ERCC6L2: variants seen among roughly 807,000 people sequenced by gnomAD.
The protein encoded by ERCC6L2 is ERCC excision repair 6 like 2.
ERCC6L2 carries 77 observed loss-of-function variants against 132.0 expected under a neutral mutation model. The ratio of observed to expected loss-of-function variants is 0.58; its 90% CI spans 0.49 to 0.71. The LOEUF is 0.71. Among genes scored for constraint, ERCC6L2 ranks in the 30% least tolerant of loss-of-function variants. The pLI, the probability that ERCC6L2 is intolerant of heterozygous loss-of-function variation, is 0.00. For missense variants in ERCC6L2, 1,542 were observed against 1,837.6 expected (o/e 0.84, Z 2.94); for synonymous variants, 583 against 632.4 (o/e 0.92, Z 1.17).
At chr9:96,005,497 CTG>C (rs1833836742) in intron 18 of ERCC6L2, among the ~76,000 whole-genome samples, 1 of 151,984 alleles carries the variant, frequency 6.6e-6, no homozygotes. Flanking sequence ...TCAGGGAAGA[CTG>C]TCTACATGGG....
At chr9:95,962,409 G>A (rs1831949230) in intron 13 of ERCC6L2, among the ~76,000 whole-genome samples, 1 of 152,022 alleles carries the variant, frequency 6.6e-6, no homozygotes, top group Non-Finnish European at 1.5e-5. Flanking sequence ...AGGATGACAA[G>A]GGCTTTTACT....
At position 95,978,075 on chromosome 9, in the gene ERCC6L2, G is replaced by A. The variant is rs764962652; in HGVS notation, c.3352G>A (p.Val1118Met). The A allele has an allele frequency of 6.6e-6, 9 of 1,365,628 alleles. No individual in the cohort carries two copies. The highest frequency in any genetic ancestry group is 7.8e-6 in the Non-Finnish European group (8 of 1,021,040). The allele number at this position is 1,365,628 out of a possible 1,614,324, so 84.6% of individuals were successfully genotyped here. A position where few individuals can be genotyped will look rare whatever the true frequency, so the allele number is the denominator to read the frequency against. ...MDKFLDGVQE[V>M]AYIHSNQNVI... is the part of the protein sequence containing the mutation. ...TTACCTCCTAGATGGCGTTCAGGAAGTGGCTTATATTCACTCAAACCAGAA... is the reference window on the plus strand; with the variant it reads ...TTACCTCCTAGATGGCGTTCAGGAAATGGCTTATATTCACTCAAACCAGAA... The change falls in exon 17 of 19, where the codon GTG becomes ATG. Residue 1118 changes from valine to methionine, a missense_variant. Physicochemically the swap from Val to Met is conservative, Grantham distance 21. Around this residue, in one of 4 missense-constraint regions of ERCC6L2, gnomAD observed 442 missense variants for 583.4 expected, o/e 0.76. Transcript: ENST00000653738.
downstream of ERCC6L2, among the ~76,000 whole-genome samples, chr9:96,022,551 C>G (rs923282029): frequency 3.9e-5 from 6 of 152,164 alleles, no homozygotes; most frequent in Non-Finnish European, 8.8e-5. Context: ...AGCCCCACGC[C>G]GAGTTTATTC....
chr9:96,020,505 G>A (rs1219622271), downstream of ERCC6L2: 3 of 326,716 alleles, frequency 9.2e-6, no homozygotes, highest in Non-Finnish European at 1.8e-5. Flanking sequence ...AGGTAGGGGC[G>A]CCGCTCACCT....
chr9:95,891,633 A>G (rs1330000742), intron 2 of ERCC6L2, among the ~76,000 whole-genome samples: 2 of 151,704 alleles, frequency 1.3e-5, no homozygotes, highest in Admixed American at 1.3e-4. Context: ...TATTTTCCAC[A>G]ATGGCTAAAA....
At chr9:95,925,670 C>G (rs996633330) in intron 9 of ERCC6L2, among the ~76,000 whole-genome samples, 1 of 152,098 alleles carries the variant, frequency 6.6e-6, no homozygotes, top group Non-Finnish European at 1.5e-5. Flanking sequence ...TTTCCTGTGA[C>G]TTGTTTTTGT....
chr9:96,034,186 G>A (rs1564313862), intron 19 of ERCC6L2, among the ~76,000 whole-genome samples: 1 of 152,244 alleles, frequency 6.6e-6, no homozygotes, highest in Non-Finnish European at 1.5e-5. Context: ...GGTAGGGATA[G>A]GAGGGGGGTC....
At chr9:95,976,675 T>C (rs1281168216) in intron 16 of ERCC6L2, among the ~76,000 whole-genome samples, 1 of 152,106 alleles carries the variant, frequency 6.6e-6, no homozygotes, top group Non-Finnish European at 1.5e-5. Context: ...TCCATGGGCT[T>C]TTGGTTTTGC....
At chr9:95,934,213 T>G (rs1321126663) in intron 11 of ERCC6L2, among the ~76,000 whole-genome samples, 1 of 152,122 alleles carries the variant, frequency 6.6e-6, no homozygotes, top group African/African-American at 2.4e-5. Context: ...AATGTAAAAA[T>G]TTATCATCGT....
chr9:96,032,656 G>A (rs561568846), intron 19 of ERCC6L2, among the ~76,000 whole-genome samples: 8 of 152,284 alleles, frequency 5.3e-5, no homozygotes, highest in South Asian at 2.1e-4. Flanking sequence ...TCACACCTGC[G>A]GCAACTGAGA....
intron 13 of ERCC6L2, among the ~76,000 whole-genome samples, chr9:95,961,008 AT>A (rs1408019948): frequency 6.6e-6 from 1 of 152,208 alleles, no homozygotes; most frequent in African/African-American, 2.4e-5. Context: ...TAGAATCCTG[AT>A]ACCAAACTTG....
At chr9:95,896,725 A>G (rs1828486727) in intron 2 of ERCC6L2, among the ~76,000 whole-genome samples, 1 of 152,144 alleles carries the variant, frequency 6.6e-6, no homozygotes, top group African/African-American at 2.4e-5. Flanking sequence ...TGGCCAGACC[A>G]GTTGTTGCTT....
chr9:95,941,731 TC>T (rs1384483348), intron 12 of ERCC6L2, among the ~76,000 whole-genome samples, 182 bp downstream of exon 12: 1 of 152,198 alleles, frequency 6.6e-6, no homozygotes, highest in African/African-American at 2.4e-5. Flanking sequence ...TAGCCATTTT[TC>T]ATCCATCTCA....
Position 95,880,869 on chromosome 9 carries a change from A to G in ERCC6L2, c.47A>G (p.Asp16Gly), listed in dbSNP as rs1564189383. 1.3e-6 allele frequency: 2 copies of G among 1,599,696 alleles called. No homozygotes were observed. Among genetic ancestry groups the G allele is most frequent in the Non-Finnish European group, 8.5e-7 (1 of 1,174,346 alleles). ...AACTTTATTTTCTTTATTCTTGCAGACATATGGCATCCAGGAGAAAGATGT... is the reference window on the plus strand; with the variant it reads ...AACTTTATTTTCTTTATTCTTGCAGGCATATGGCATCCAGGAGAAAGATGT... Reference protein sequence around the residue: ...PQPRAETSGKDIWHPGERCLA... With the variant: ...PQPRAETSGKGIWHPGERCLA... Residue 16 changes from aspartate (D) to glycine (G), a missense_variant and splice_region_variant, in exon 2 of 19, where the codon GAC becomes GGC. This residue lies in a region of ERCC6L2 where 153 missense variants were observed against 132.3 expected (regional missense o/e 1.16). Coordinates refer to ENST00000653738, the MANE Select transcript of ERCC6L2 (RefSeq NM_020207.7).
intron 13 of ERCC6L2, among the ~76,000 whole-genome samples, chr9:95,960,667 A>G (rs889311356): frequency 5.3e-5 from 8 of 152,258 alleles, no homozygotes; most frequent in African/African-American, 1.7e-4. Context: ...GGTCCTGCCA[A>G]CACCTTGATT....
At chr9:95,926,658 T>G (rs1201257474) in intron 9 of ERCC6L2, among the ~76,000 whole-genome samples, 2 of 152,106 alleles carry the variant, frequency 1.3e-5, no homozygotes, top group African/African-American at 4.8e-5. Flanking sequence ...GCACAAGGAA[T>G]TTTTAGGGCA....
chr9:96,015,842 C>G lies in ERCC6L2; in HGVS notation c.*2639C>G, dbSNP rs556501372. On this transcript the variant is annotated 3_prime_UTR_variant, in exon 19 of 19. Transcript: ENST00000653738. The stretch of plus-strand genomic sequence containing the variant: ...TTATCAATAGTAGTCAAAATGGGAG[C>G]AAAAATGCAGAACTGGAGTTTAAAA... 9.9e-5 allele frequency among the ~76,000 whole-genome samples: 15 copies of G among 152,040 alleles called. No homozygotes were observed. Among genetic ancestry groups the G allele is most frequent in the Admixed American group, 9.8e-4 (15 of 15,282 alleles).
chr9:96,040,765 C>T (rs1426712371), intron 20 of ERCC6L2, among the ~76,000 whole-genome samples: 1 of 152,200 alleles, frequency 6.6e-6, no homozygotes, highest in Non-Finnish European at 1.5e-5. Flanking sequence ...AAAGAAACGC[C>T]TTCTGCAAAA....
chr9:95,968,926 T>TA (rs1232263231), intron 14 of ERCC6L2: 1 of 151,966 alleles, frequency 6.6e-6, no homozygotes, highest in Non-Finnish European at 1.5e-5. Context: ...GTTCTAAGGA[T>TA]AAAAAATAGA....
Sources: allele counts gnomAD v4.1 joint callset (sites outside exome capture counted in the v4.1 genomes callset), GRCh38; gene constraint gnomAD v4.1.1; regional missense constraint gnomAD v4.1.1; transcripts MANE v1.5; gene names NCBI Gene and HGNC (gene_info 2026-07-23, HGNC 2026-07-21).